GSE1: variants seen among roughly 807,000 people sequenced by gnomAD.
GSE1 encodes Gse1 coiled-coil protein, also known as genetic suppressor element 1.
A neutral mutation model predicts 112.6 loss-of-function variants in GSE1; 32 were observed. That is an observed-to-expected ratio of 0.28 (90% CI 0.21 to 0.38). The LOEUF (loss-of-function observed/expected upper bound fraction) is 0.38, where lower values mean the gene tolerates loss of function less well. Among genes scored for constraint, GSE1 ranks in the 10% least tolerant of loss-of-function variants. The pLI, the probability that GSE1 is intolerant of heterozygous loss-of-function variation, is 1.00. For missense variants in GSE1, 2,348 were observed against 1,699.2 expected (o/e 1.38, Z -6.71); for synonymous variants, 1,115 against 735.6 (o/e 1.52, Z -8.35).
rs774219448 is a variant in GSE1, at chr16:85,654,461, C to G, written c.599+11C>G. 6.4e-7 allele frequency: 1 copy of G among 1,555,520 alleles called. No homozygotes were observed. The highest frequency in any genetic ancestry group is 8.7e-7 in the Non-Finnish European group (1 of 1,149,666). On this transcript the variant is annotated intron_variant, in intron 4 of 15. Coordinates refer to ENST00000253458, the MANE Select transcript of GSE1 (RefSeq NM_014615.5). ...CTTCCCGCCACTCAAGTAAGTTGGT[C>G]GGCGGGGACTTCGGTGAGGTGGCCA...
intron 1 of GSE1, among the ~76,000 whole-genome samples, chr16:85,276,660 C>A (rs1909393114): frequency 6.6e-6 from 1 of 152,164 alleles, no homozygotes; most frequent in Non-Finnish European, 1.5e-5. Context: ...GTGGAGGATG[C>A]TTCGGTGGCG....
At position 85,674,220 on chromosome 16, in the gene GSE1, AGCCCTT is replaced by A. The variant is rs1380008381; in HGVS notation, c.*1684_*1689del. The A allele has an allele frequency of 1.3e-5, 2 of 152,336 alleles. No individual in the cohort carries two copies. Among genetic ancestry groups the A allele is most frequent in the Admixed American group, 6.5e-5 (1 of 15,286 alleles). The allele number at this position is 152,336 out of a possible 1,614,324, so 9.4% of individuals were successfully genotyped here. On this transcript the variant is annotated 3_prime_UTR_variant, in exon 16 of 16. Transcript: ENST00000253458. Reference sequence around the variant, plus strand: ...GACCAGCAGCCGAGCCCTTGGCCCTAGCCCTTGCTGCGCAGAACAGCTTGCTGGCAG... The same window carrying A: ...GACCAGCAGCCGAGCCCTTGGCCCTAGCTGCGCAGAACAGCTTGCTGGCAG...
At chr16:85,613,440 TC>T in intron 1 of GSE1, 42 bp downstream of exon 1, 9 of 1,506,334 alleles carry the variant, frequency 6.0e-6, no homozygotes, top group Non-Finnish European at 8.1e-6. Flanking sequence ...TCCTCCCCCC[TC>T]CCCCCACCGC....
At chr16:85,554,762 C>G (rs910125261), upstream of GSE1, 364 of 518,432 alleles carry the variant, frequency 7.0e-4, no homozygotes, top group South Asian at 6.6e-3. Flanking sequence ...CCGGCTCCCG[C>G]AGCTGTCAGT....
intron 2 of GSE1, among the ~76,000 whole-genome samples, chr16:85,517,324 T>C (rs1467422049): frequency 1.3e-5 from 2 of 152,208 alleles, no homozygotes; most frequent in Admixed American, 6.5e-5. Flanking sequence ...TTGGTCCTGC[T>C]GCTTAACCTC....
chr16:85,457,164 G>A (rs1270095563), intron 2 of GSE1, among the ~76,000 whole-genome samples: 1 of 152,248 alleles, frequency 6.6e-6, no homozygotes. Flanking sequence ...TGCCCTAGAG[G>A]CTGCCAGGAT....
chr16:85,288,551 TG>T (rs1322656876), intron 1 of GSE1, among the ~76,000 whole-genome samples: 3 of 152,222 alleles, frequency 2.0e-5, no homozygotes, highest in Non-Finnish European at 4.4e-5. Context: ...CATGCCCAGC[TG>T]GGGTCAGAAA....
At chr16:85,409,868 AG>A (rs1387280224) in intron 2 of GSE1, among the ~76,000 whole-genome samples, 1 of 6,432 alleles carries the variant, frequency 1.6e-4, no homozygotes, top group Non-Finnish European at 3.4e-4. Context: ...TGTTACACTC[AG>A]GGCCCCCTGG....
intron 1 of GSE1, among the ~76,000 whole-genome samples, chr16:85,584,599 G>A (rs1048828156): frequency 1.5e-4 from 22 of 150,184 alleles, no homozygotes; most frequent in African/African-American, 4.4e-4. Context: ...CTCCCCGCAC[G>A]CGTTCTTTCT....
rs183386244 is a variant in GSE1, at chr16:85,522,060, G to A, written c.2465-111854G>A. 2.6e-4 allele frequency among the ~76,000 whole-genome samples: 39 copies of A among 152,304 alleles called. 1 individual carries two copies. The highest frequency in any genetic ancestry group is 2.1e-3 in the East Asian group (11 of 5,180). ...ACTCCAGGAGACCCCATGGGAAGACGGTCTTTGGAAGCCAGGCAGGCATAT... is the reference window on the plus strand; with the variant it reads ...ACTCCAGGAGACCCCATGGGAAGACAGTCTTTGGAAGCCAGGCAGGCATAT... On this transcript the variant is annotated intron_variant, in intron 2 of 2. Transcript: ENST00000637419.
chr16:85,507,740 A>G (rs950263507), intron 2 of GSE1, among the ~76,000 whole-genome samples: 1 of 152,100 alleles, frequency 6.6e-6, no homozygotes, highest in Non-Finnish European at 1.5e-5. Flanking sequence ...TCACCTCTCC[A>G]AAGGCTCTGT....
chr16:85,345,374 G>C (rs548801271), intron 1 of GSE1, among the ~76,000 whole-genome samples: 1 of 152,278 alleles, frequency 6.6e-6, no homozygotes, highest in Admixed American at 6.5e-5. Context: ...GAGTGGTTTT[G>C]ACAGAGACCA....
At chr16:85,170,181 C>T (rs1469986556) in exon 1 of GSE1, 1 of 985,146 alleles carries the variant, frequency 1.0e-6, no homozygotes, top group Non-Finnish European at 1.2e-6. Context: ...CTCCGGGACC[C>T]GCTCCGGGAC....
At chr16:85,273,458 G>A (rs1227284292) in intron 1 of GSE1, among the ~76,000 whole-genome samples, 1 of 152,222 alleles carries the variant, frequency 6.6e-6, no homozygotes, top group Non-Finnish European at 1.5e-5. Context: ...CCATGCCGTG[G>A]AATATTACTC....
chr16:85,298,485 T>C (rs966068981), intron 1 of GSE1, among the ~76,000 whole-genome samples: 5 of 152,206 alleles, frequency 3.3e-5, no homozygotes, highest in Admixed American at 3.3e-4. Flanking sequence ...TGGAGGGCAG[T>C]GGCACGATCT....
intron 1 of GSE1, among the ~76,000 whole-genome samples, chr16:85,212,124 A>T (rs1188011830): frequency 1.3e-5 from 2 of 152,192 alleles, no homozygotes; most frequent in Non-Finnish European, 2.9e-5. Flanking sequence ...TTGGGCTAGA[A>T]GCCGGGCGCG....
At chr16:85,212,742 C>T (rs1425045523) in intron 1 of GSE1, among the ~76,000 whole-genome samples, 1 of 152,186 alleles carries the variant, frequency 6.6e-6, no homozygotes, top group Non-Finnish European at 1.5e-5. Flanking sequence ...GGGGTGTCCG[C>T]CCACTCGCAG....
intron 1 of GSE1, among the ~76,000 whole-genome samples, chr16:85,585,475 T>TC (rs1598282472): frequency 6.7e-6 from 1 of 149,924 alleles, no homozygotes; most frequent in Non-Finnish European, 1.5e-5. Flanking sequence ...AGCAGGACTC[T>TC]CCTCTGTGTC....
chr16:85,340,506 T>C (rs2046602382), intron 1 of GSE1, among the ~76,000 whole-genome samples: 1 of 152,076 alleles, frequency 6.6e-6, no homozygotes, highest in South Asian at 2.1e-4. Context: ...CTGGGTGTGG[T>C]AGTGCACACC....
Sources: gnomAD v4.1 joint callset for allele counts (sites outside exome capture counted in the v4.1 genomes callset) on GRCh38, gnomAD v4.1.1 for gene constraint, MANE v1.5 for transcripts, NCBI Gene and HGNC (gene_info 2026-07-23, HGNC 2026-07-21) for gene names.